Variants in LMBR1 observed in about 807,000 individuals in gnomAD.
LMBR1 encodes the protein limb development membrane protein 1.
A neutral mutation model predicts 73.9 loss-of-function variants in LMBR1; 52 were observed. The ratio of observed to expected loss-of-function variants is 0.70; its 90% CI spans 0.56 to 0.89. LMBR1 has a LOEUF of 0.89. Among genes scored for constraint, LMBR1 ranks in the 40% least tolerant of loss-of-function variants. The pLI is 0.00. For missense variants in LMBR1, 539 were observed against 579.8 expected (o/e 0.93, Z 0.72); for synonymous variants, 215 against 209.4 (o/e 1.03, Z -0.23).
chr7:156,821,083 G>A (rs975394236), intron 4 of LMBR1, among the ~76,000 whole-genome samples: 2 of 152,230 alleles, frequency 1.3e-5, no homozygotes, highest in African/African-American at 4.8e-5. Context: ...AGTTACCATG[G>A]GACCTGAGTT....
intron 9 of LMBR1, among the ~76,000 whole-genome samples, chr7:156,735,618 T>C (rs533200816): frequency 6.6e-6 from 1 of 151,354 alleles, no homozygotes; most frequent in Non-Finnish European, 1.5e-5. Flanking sequence ...CTAGGGTTTT[T>C]TTGTTTTTGT....
At chr7:156,782,533 TTTTGTTTGTTTG>T (rs200705164) in intron 5 of LMBR1, among the ~76,000 whole-genome samples, 2 of 151,898 alleles carry the variant, frequency 1.3e-5, no homozygotes, top group Admixed American at 6.6e-5. Context: ...CTCATTGCAG[TTTTGTTTGTTTG>T]TTTGTTTGTT....
At chr7:156,832,953 G>A in intron 3 of LMBR1, among the ~76,000 whole-genome samples, 1 of 152,234 alleles carries the variant, frequency 6.6e-6, no homozygotes, top group East Asian at 1.9e-4. Context: ...GACATTATTG[G>A]GATAACTAGT....
intron 5 of LMBR1, among the ~76,000 whole-genome samples, chr7:156,788,227 G>A (rs1828507958): frequency 6.6e-6 from 1 of 152,216 alleles, no homozygotes; most frequent in Admixed American, 6.5e-5. Flanking sequence ...TTGAGGCCAG[G>A]AGTTGGAGAC....
chr7:156,677,194 G>A (rs1026287986), downstream of LMBR1: 3 of 152,502 alleles, frequency 2.0e-5, no homozygotes, highest in Non-Finnish European at 4.4e-5. Context: ...AAAAAAAAGT[G>A]AACCTTTTTG....
rs1837702821 is a variant in LMBR1, at chr7:156,836,739, T to C, written c.139+74A>G. On this transcript the variant is annotated intron_variant, in intron 2 of 16. Coordinates refer to ENST00000353442, the MANE Select transcript of LMBR1 (RefSeq NM_022458.4). ...AATACACTATGACACTGAAGTGTAC[T>C]AATATATCTTATATACCATGCCTAG... The C allele has an allele frequency of 4.3e-6, 4 of 929,762 alleles. No individual in the cohort carries two copies. The South Asian group carries it at 4.9e-5, about 11-fold the overall frequency. 57.6% of individuals were successfully genotyped at this position (929,762 alleles called of 1,614,324 possible). A position where few individuals can be genotyped will look rare whatever the true frequency, so the allele number is the denominator to read the frequency against.
intron 15 of LMBR1, 121 bp from the exon 16 acceptor site, chr7:156,688,312 G>T: frequency 1.6e-6 from 1 of 643,198 alleles, no homozygotes; most frequent in Non-Finnish European, 2.6e-6. Context: ...GACGTGAGAT[G>T]CTCTAATGAA....
Position 156,863,135 on chromosome 7 carries a change from G to GAT in LMBR1, c.67-26252_67-26251dup, listed in dbSNP as rs372854345. ...ATATATGTATAGATAGATACAAATA[G>GAT]ATATATATATATAAAGGGGAGTTTA... On this transcript the variant is annotated intron_variant, in intron 1 of 16. Coordinates refer to ENST00000353442, the MANE Select transcript of LMBR1 (RefSeq NM_022458.4). Among the ~76,000 whole-genome samples, 41 of 151,496 alleles carry GAT rather than the reference G, an allele frequency of 2.7e-4. 1 individual carries two copies. The South Asian group carries it at 6.5e-3, about 24-fold the overall frequency.
At chr7:156,816,381 T>A (rs1833927568) in intron 4 of LMBR1, among the ~76,000 whole-genome samples, 1 of 152,094 alleles carries the variant, frequency 6.6e-6, no homozygotes, top group Non-Finnish European at 1.5e-5. Flanking sequence ...AACGTTTGTA[T>A]TTTTAGTAGT....
At chr7:156,745,258 A>C (rs1225539485) in intron 9 of LMBR1, among the ~76,000 whole-genome samples, 1 of 151,596 alleles carries the variant, frequency 6.6e-6, no homozygotes, top group Non-Finnish European at 1.5e-5. Flanking sequence ...ACTACTTTTG[A>C]GGATTAGGTA....
At chr7:156,829,493 A>T (rs546759531) in intron 3 of LMBR1, among the ~76,000 whole-genome samples, 99 of 152,272 alleles carry the variant, frequency 6.5e-4, no homozygotes, top group Non-Finnish European at 1.3e-3. Context: ...TTCACCTTGC[A>T]CCATGAGTAA....
At chr7:156,707,409 CCAAA>C (rs1441031010) in intron 15 of LMBR1, among the ~76,000 whole-genome samples, 2 of 152,010 alleles carry the variant, frequency 1.3e-5, no homozygotes, top group Non-Finnish European at 2.9e-5. Flanking sequence ...ACTCTGATAC[CCAAA>C]CAGACAAGTA....
chr7:156,689,179 C>T (rs964725860), intron 15 of LMBR1, among the ~76,000 whole-genome samples: 5 of 152,042 alleles, frequency 3.3e-5, no homozygotes, highest in Non-Finnish European at 5.9e-5. Flanking sequence ...TTTCTGACCA[C>T]TGACAGATAA....
chr7:156,768,299 T>C (rs931182935), intron 5 of LMBR1, among the ~76,000 whole-genome samples: 6 of 151,908 alleles, frequency 3.9e-5, no homozygotes, highest in African/African-American at 1.2e-4. Flanking sequence ...GGAGGTTGCG[T>C]TGCAGTGAGC....
chr7:156,835,260 AAGG>A (rs202200022), intron 2 of LMBR1, among the ~76,000 whole-genome samples: 3,054 of 152,304 alleles, frequency 0.02, 106 homozygotes, highest in African/African-American at 0.069. Context: ...CTTCAGTGTC[AAGG>A]GTGTATTTGG....
chr7:156,733,311 A>C (rs1817218073), intron 10 of LMBR1, among the ~76,000 whole-genome samples: 1 of 152,224 alleles, frequency 6.6e-6, no homozygotes. Context: ...TAAAAAAATC[A>C]ATCAATCAAA....
chr7:156,770,101 T>G (rs1316323427), intron 5 of LMBR1, among the ~76,000 whole-genome samples: 2 of 152,184 alleles, frequency 1.3e-5, no homozygotes, highest in African/African-American at 4.8e-5. Flanking sequence ...AAACCTAAAG[T>G]AATCCCTTAT....
At chr7:156,764,511 G>T (rs1391409193) in intron 5 of LMBR1, among the ~76,000 whole-genome samples, 3 of 152,018 alleles carry the variant, frequency 2.0e-5, no homozygotes, top group East Asian at 3.9e-4. Context: ...AAAAGAAACC[G>T]CTTTTACTCC....
At chr7:156,877,828 A>G (rs1030468105) in intron 1 of LMBR1, among the ~76,000 whole-genome samples, 1 of 151,300 alleles carries the variant, frequency 6.6e-6, no homozygotes, top group African/African-American at 2.4e-5. Flanking sequence ...GCTTGCAGTG[A>G]GCAGAGATCG....
Sources: allele counts gnomAD v4.1 joint callset (sites outside exome capture counted in the v4.1 genomes callset), GRCh38; gene constraint gnomAD v4.1.1; transcripts MANE v1.5; gene names NCBI Gene and HGNC (gene_info 2026-07-23, HGNC 2026-07-21).